Variants in DHRS9 observed in about 807,000 individuals in gnomAD.
DHRS9 encodes dehydrogenase/reductase 9.
In DHRS9, 18 loss-of-function variants were observed where a neutral mutation model predicts 26.6. The ratio of observed to expected loss-of-function variants is 0.68; its 90% CI spans 0.47 to 1.00. DHRS9 has a LOEUF of 1.00. Ranked by LOEUF, DHRS9 falls within the 50% of genes least tolerant of loss-of-function variation. DHRS9 has a pLI of 0.00. For missense variants in DHRS9, 425 were observed against 378.7 expected (o/e 1.12, Z -1.01); for synonymous variants, 134 against 141.1 (o/e 0.95, Z 0.36).
intron 3 of DHRS9, among the ~76,000 whole-genome samples, chr2:169,089,393 A>G (rs1684450249): frequency 6.6e-6 from 1 of 152,186 alleles, no homozygotes; most frequent in African/African-American, 2.4e-5. Flanking sequence ...CAGAAGCCAG[A>G]GTATACTTAG....
At position 169,081,594 on chromosome 2, in the gene DHRS9, G is replaced by C; in HGVS notation, c.13G>C (p.Val5Leu). 1 of 1,614,006 alleles carries C rather than the reference G, an allele frequency of 6.2e-7. No individual in the cohort carries two copies. The highest frequency in any genetic ancestry group is 8.5e-7 in the Non-Finnish European group (1 of 1,179,974). MLFW[V>L]LGLLILCGFL... is the part of the protein sequence containing the mutation. ...CACAGGGGGAAAAATGCTCTTTTGGGTGCTAGGCCTCCTAATCCTCTGTGG... is the reference window on the plus strand; with the variant it reads ...CACAGGGGGAAAAATGCTCTTTTGGCTGCTAGGCCTCCTAATCCTCTGTGG... The change falls in exon 2 of 5, where the codon GTG (valine) becomes CTG (leucine). Residue 5 changes from valine (V) to leucine (L), a missense_variant. By Grantham distance (32) the Val-to-Leu change is conservative. Coordinates refer to ENST00000674881, the MANE Select transcript of DHRS9 (RefSeq NM_001376924.1).
intron 4 of DHRS9, among the ~76,000 whole-genome samples, chr2:169,092,640 G>T (rs1684566802): frequency 1.3e-5 from 2 of 152,142 alleles, no homozygotes; most frequent in South Asian, 4.1e-4. Context: ...TTGAATAAGA[G>T]GAAAGGACAG....
At chr2:169,069,270 C>G (rs77464233), upstream of DHRS9, among the ~76,000 whole-genome samples, 5,201 of 152,136 alleles carry the variant, frequency 0.034, 294 homozygotes, top group African/African-American at 0.12. Flanking sequence ...AATTTGAAAA[C>G]TATTAAAACC....
intron 4 of DHRS9, among the ~76,000 whole-genome samples, chr2:169,093,435 A>G (rs956435095): frequency 2.0e-5 from 3 of 152,126 alleles, no homozygotes; most frequent in African/African-American, 7.2e-5. Flanking sequence ...TAGTGCTGAC[A>G]TGCCACTATA....
intron 1 of DHRS9, among the ~76,000 whole-genome samples, chr2:169,079,877 GAAAGAA>G (rs1558951337): frequency 1.7e-4 from 12 of 71,534 alleles, no homozygotes; most frequent in African/African-American, 7.9e-4. Context: ...AAGAAAGAAA[GAAAGAA>G]AGAGAGAGAG....
Position 169,081,546 on chromosome 2 carries a change from A to G in DHRS9, c.-36A>G. ...AGGACACCATCTTCTTGTATTATAC[A>G]AGAAAGGAGTGTACCTATCACACAC... On this transcript the variant is annotated 5_prime_UTR_variant, in exon 2 of 5. Transcript: ENST00000674881. 6.3e-7 allele frequency: 1 copy of G among 1,586,014 alleles called. No individual in the cohort carries two copies. Among genetic ancestry groups the G allele is most frequent in the Non-Finnish European group, 8.5e-7 (1 of 1,170,400 alleles).
chr2:169,067,371 C>A, upstream of DHRS9: 1 of 1,460,536 alleles, frequency 6.8e-7, no homozygotes, highest in Non-Finnish European at 9.1e-7. Context: ...TCTCCTGAGA[C>A]AGCCTCAGAT....
chr2:169,080,247 G>A (rs572611212), intron 1 of DHRS9, among the ~76,000 whole-genome samples: 88 of 152,274 alleles, frequency 5.8e-4, no homozygotes, highest in Admixed American at 5.6e-3. Flanking sequence ...AAGATATTGC[G>A]TGGACACAGG....
intron 1 of DHRS9, among the ~76,000 whole-genome samples, chr2:169,072,349 G>A (rs1292213950): frequency 2.0e-5 from 3 of 152,070 alleles, no homozygotes; most frequent in African/African-American, 4.8e-5. Context: ...CTTTGGTATC[G>A]CTTTCTAAAA....
At chr2:169,080,049 G>A (rs951300847) in intron 1 of DHRS9, among the ~76,000 whole-genome samples, 1 of 138,112 alleles carries the variant, frequency 7.2e-6, no homozygotes, top group East Asian at 2.2e-4. Context: ...AAGAAAGAAA[G>A]AAAATAAAGT....
rs142944457 is a variant in DHRS9, at chr2:169,085,803, A to T, written c.572+2216A>T. Among the ~76,000 whole-genome samples, 64 of 152,338 alleles carry T rather than the reference A, an allele frequency of 4.2e-4. 3 individuals carry two copies. In the East Asian group the frequency reaches 0.012, roughly 28 times the overall value. On this transcript the variant is annotated intron_variant, in intron 3 of 4. Transcript: ENST00000674881. ...TTTAGGTTTTTCCAAATATAAGATC[A>T]TATCATCTGCAAACAAGGATAATTT...
rs1434830151 is a variant in DHRS9, at chr2:169,095,763, T to C, written c.956T>C (p.Val319Ala). Residue 319 changes from valine (V) to alanine (A), a missense_variant, in exon 5 of 5, where the codon GTG becomes GCG. By Grantham distance (64) the Val-to-Ala change is moderately conservative (BLOSUM62 0). Coordinates refer to ENST00000674881, the MANE Select transcript of DHRS9 (RefSeq NM_001376924.1). The part of the protein sequence containing the change: ...QKAELANPKA[V>A] ...GCAGAGCTGGCTAATCCCAAGGCAGTGTGACTCAGCTAACCACAAATGTCT... is the reference window on the plus strand; with the variant it reads ...GCAGAGCTGGCTAATCCCAAGGCAGCGTGACTCAGCTAACCACAAATGTCT... 2 of 1,613,318 alleles carry C rather than the reference T, an allele frequency of 1.2e-6. No individual in the cohort carries two copies. The highest frequency in any genetic ancestry group is 1.3e-5 in the African/African-American group (1 of 74,890).
chr2:169,088,618 C>T (rs1684425033), intron 3 of DHRS9, among the ~76,000 whole-genome samples: 1 of 152,126 alleles, frequency 6.6e-6, no homozygotes, highest in Non-Finnish European at 1.5e-5. Flanking sequence ...AAGTTATTCC[C>T]AGTGTATAGA....
rs866089266 is a variant in DHRS9, at chr2:169,083,427, C to T, written c.412C>T (p.Leu138=). Residue 138 remains leucine, a synonymous_variant, in exon 3 of 5, where the codon CTG becomes TTG. Coordinates refer to ENST00000674881, the MANE Select transcript of DHRS9 (RefSeq NM_001376924.1). ...EDYREPIEVN[L]FGLISVTLNM... is the part of the protein sequence containing the mutation. Reference sequence around the variant, plus strand: ...CTACAGAGAACCTATTGAAGTGAACCTGTTTGGACTCATCAGTGTGACACT... The same window carrying T: ...CTACAGAGAACCTATTGAAGTGAACTTGTTTGGACTCATCAGTGTGACACT... The T allele has an allele frequency of 6.2e-7, 1 of 1,614,074 alleles. No individual in the cohort carries two copies. The highest frequency in any genetic ancestry group is 1.7e-5 in the Admixed American group (1 of 60,010).
At chr2:169,088,366 C>G (rs2105298916) in intron 3 of DHRS9, among the ~76,000 whole-genome samples, 1 of 152,330 alleles carries the variant, frequency 6.6e-6, no homozygotes, top group African/African-American at 2.4e-5. Flanking sequence ...TGCTGCTGGT[C>G]TATGGAGGAG....
chr2:169,082,217 G>A (rs532609191), intron 2 of DHRS9, among the ~76,000 whole-genome samples: 1 of 152,242 alleles, frequency 6.6e-6, no homozygotes, highest in African/African-American at 2.4e-5. Context: ...AAGGAATTTA[G>A]ACTAAAATGT....
chr2:169,094,707 G>A (rs1248200085), intron 4 of DHRS9, among the ~76,000 whole-genome samples: 1 of 114,546 alleles, frequency 8.7e-6, no homozygotes, highest in African/African-American at 5.5e-5. Flanking sequence ...ATAATTTCAG[G>A]TCTATGTTTA....
At chr2:169,074,024 C>A (rs1363150980) in intron 1 of DHRS9, among the ~76,000 whole-genome samples, 1 of 152,124 alleles carries the variant, frequency 6.6e-6, no homozygotes, top group Non-Finnish European at 1.5e-5. Context: ...ACTAAACATG[C>A]TAAATGCACA....
intron 2 of DHRS9, 38 bp from the exon 3 acceptor site, chr2:169,083,291 T>C (rs1463591924): frequency 6.3e-7 from 1 of 1,597,504 alleles, no homozygotes; most frequent in Admixed American, 1.7e-5. Flanking sequence ...AAATAAGTAC[T>C]GTCTTACCAC....
Sources: gnomAD v4.1 joint callset for allele counts (sites outside exome capture counted in the v4.1 genomes callset) on GRCh38, gnomAD v4.1.1 for gene constraint, MANE v1.5 for transcripts, NCBI Gene and HGNC (gene_info 2026-07-23, HGNC 2026-07-21) for gene names.